The following GSE1 variants were observed in gnomAD, a reference collection of about 807,000 sequenced individuals.
GSE1 encodes the protein Gse1 coiled-coil protein, also known as genetic suppressor element 1.
GSE1 carries 32 observed loss-of-function variants against 112.6 expected under a neutral mutation model. The ratio of observed to expected loss-of-function variants is 0.28; its 90% CI spans 0.21 to 0.38. The LOEUF (loss-of-function observed/expected upper bound fraction) is 0.38, where lower values mean the gene tolerates loss of function less well. GSE1 is among the 10% of genes least tolerant of loss of function. The pLI, the probability that GSE1 is intolerant of heterozygous loss-of-function variation, is 1.00. For synonymous variants in GSE1, 1,115 were observed against 735.6 expected, an observed-to-expected ratio of 1.52 and a Z score of -8.35; for missense variants, 2,348 against 1,699.2, an observed-to-expected ratio of 1.38 and a Z score of -6.71.
chr16:85,587,170 C>T (rs1468862362), intron 1 of GSE1, among the ~76,000 whole-genome samples: 2 of 123,476 alleles, frequency 1.6e-5, no homozygotes, highest in East Asian at 4.4e-4. Flanking sequence ...AGGACGAAAC[C>T]CCCCCCCCCC....
At chr16:85,668,088 ACCCTGTGTCCCTTC>A (rs751536659) in intron 13 of GSE1, 38 bp from the exon 14 acceptor site, 44 of 1,407,074 alleles carry the variant, frequency 3.1e-5, no homozygotes, top group Admixed American at 1.3e-4. Flanking sequence ...CTGAGACAGC[ACCCTGTGTCCCTTC>A]CCCCAACACA....
At chr16:85,329,203 T>C (rs11642262) in intron 1 of GSE1, among the ~76,000 whole-genome samples, 132,623 of 152,220 alleles carry the variant, frequency 0.87, 57,934 homozygotes, top group East Asian at 1. Context: ...CTTTAGGAGC[T>C]AGCCAAGGCC....
intron 1 of GSE1, among the ~76,000 whole-genome samples, chr16:85,196,630 G>A (rs75940354): frequency 0.022 from 3,400 of 152,156 alleles, 114 homozygotes; most frequent in African/African-American, 0.076. Context: ...GAACACAGAC[G>A]TGCTCTTTCC....
chr16:85,185,778 G>A (rs568467366), intron 1 of GSE1, among the ~76,000 whole-genome samples: 2 of 152,356 alleles, frequency 1.3e-5, no homozygotes, highest in South Asian at 4.1e-4. Context: ...AGTGCCTCAG[G>A]GGCTCCGTGC....
chr16:85,609,795 C>T (rs569523188), upstream of GSE1, among the ~76,000 whole-genome samples: 1 of 152,126 alleles, frequency 6.6e-6, no homozygotes, highest in Non-Finnish European at 1.5e-5. Flanking sequence ...GATGGGACTA[C>T]AGGCACACGC....
At position 85,654,422 on chromosome 16, in the gene GSE1, G is replaced by T; in HGVS notation, c.571G>T (p.Val191Leu). 1 of 1,578,044 alleles carries T rather than the reference G, an allele frequency of 6.3e-7. No individual in the cohort carries two copies. Among genetic ancestry groups the T allele is most frequent in the Non-Finnish European group, 8.6e-7 (1 of 1,160,946 alleles). Residue 191 changes from valine to leucine, a missense_variant, in exon 4 of 16, where the codon GTG (valine) becomes TTG (leucine). Transcript: ENST00000253458. ...CTTCGGCCTCTCCCCCAGCTCAGTT[G>T]TGCAGGATTCCCGCTTCCCGCCACT... is the stretch of plus-strand genomic sequence containing the variant. ...YPFGLSPSSV[V>L]QDSRFPPLNL... is the part of the protein sequence containing the mutation.
chr16:85,248,407 C>T (rs1012377679), intron 1 of GSE1, among the ~76,000 whole-genome samples: 1 of 151,894 alleles, frequency 6.6e-6, no homozygotes, highest in East Asian at 1.9e-4. Context: ...CTTTCTGTTT[C>T]CTCTGTCTCT....
intron 2 of GSE1, among the ~76,000 whole-genome samples, chr16:85,454,938 G>A (rs1448921595): frequency 6.6e-6 from 1 of 152,182 alleles, no homozygotes; most frequent in Non-Finnish European, 1.5e-5. Context: ...CTGCCCAGGT[G>A]CGGAGGGTGA....
upstream of GSE1, among the ~76,000 whole-genome samples, chr16:85,610,627 G>A (rs1033773286): frequency 2.0e-5 from 3 of 152,238 alleles, no homozygotes; most frequent in Admixed American, 1.3e-4. Flanking sequence ...TTGCCAGCCC[G>A]CCTGGTGGCC....
rs1196166011 is a variant in GSE1 at position 85,556,149 on chromosome 16, G to A, written c.-178G>A. ...TTTTGATCATCTTGCGGGGCGGGGG[G>A]GGGAAAGACTGATTTTTTTTTTTCG... On this transcript the variant is annotated 5_prime_UTR_variant, in exon 1 of 3. Coordinates refer to the GSE1 transcript ENST00000635906. 22 of 952,888 alleles carry A rather than the reference G, an allele frequency of 2.3e-5. 1 individual carries two copies. The highest frequency in any genetic ancestry group is 1.4e-4 in the East Asian group (1 of 7,080). 59.0% of individuals were successfully genotyped at this position (952,888 alleles called of 1,614,324 possible). A position where few individuals can be genotyped will look rare whatever the true frequency, so the allele number is the denominator to read the frequency against.
intron 1 of GSE1, among the ~76,000 whole-genome samples, chr16:85,300,514 G>A (rs1597333334): frequency 1.3e-5 from 2 of 152,272 alleles, no homozygotes; most frequent in South Asian, 2.1e-4. Context: ...CTGCCTGTCC[G>A]GACATTTCAT....
chr16:85,389,890 G>A (rs1040016963), intron 2 of GSE1, among the ~76,000 whole-genome samples: 5 of 152,168 alleles, frequency 3.3e-5, no homozygotes, highest in South Asian at 2.1e-4. Context: ...GTGGGCCCAC[G>A]CTTAGCGGAT....
At chr16:85,329,717 C>T (rs1357376584) in intron 1 of GSE1, among the ~76,000 whole-genome samples, 4 of 152,100 alleles carry the variant, frequency 2.6e-5, no homozygotes, top group South Asian at 2.1e-4. Context: ...TTAAAGGCTC[C>T]GCGCAGGGTA....
chr16:85,365,436 C>T (rs1235272803), intron 2 of GSE1, among the ~76,000 whole-genome samples: 3 of 152,232 alleles, frequency 2.0e-5, no homozygotes, highest in Non-Finnish European at 2.9e-5. Flanking sequence ...CACCTGGCTC[C>T]TCCCAGGTCA....
Position 85,495,062 on chromosome 16 carries a change from G to A in GSE1, c.2464+137419G>A, listed in dbSNP as rs776343889. The stretch of plus-strand genomic sequence containing the variant: ...GGTCAGGCTGGTAGCCTTCCTATGG[G>A]CTATGATCATGCTGGGCTGTTTCCA... On this transcript the variant is annotated intron_variant, in intron 2 of 2. Transcript: ENST00000637419. 5.3e-5 allele frequency among the ~76,000 whole-genome samples: 8 copies of A among 152,346 alleles called. No individual in the cohort carries two copies. The South Asian group carries it at 8.3e-4, about 16-fold the overall frequency.
chr16:85,653,341 A>G (rs1390295919), intron 3 of GSE1, among the ~76,000 whole-genome samples: 1 of 92,264 alleles, frequency 1.1e-5, no homozygotes, highest in Non-Finnish European at 2.2e-5. Flanking sequence ...AGTCACACGA[A>G]TAACAGGAAC....
intron 2 of GSE1, among the ~76,000 whole-genome samples, chr16:85,643,184 C>T (rs998768676): frequency 6.6e-6 from 1 of 152,210 alleles, no homozygotes; most frequent in East Asian, 1.9e-4. Flanking sequence ...GCAGAGGTGA[C>T]GCGGACACGG....
intron 2 of GSE1, among the ~76,000 whole-genome samples, chr16:85,436,381 G>C (rs2049246830): frequency 6.6e-6 from 1 of 152,186 alleles, no homozygotes; most frequent in South Asian, 2.1e-4. Flanking sequence ...TCCTAGCCCT[G>C]AGTCCAGCCC....
chr16:85,464,356 CGCTTA>C (rs1478250957), intron 2 of GSE1, among the ~76,000 whole-genome samples: 8 of 152,114 alleles, frequency 5.3e-5, no homozygotes, highest in Non-Finnish European at 1.2e-4. Flanking sequence ...GGGGGGCAGC[CGCTTA>C]GAGAAAAGGG....
Sources: allele counts gnomAD v4.1 joint callset (sites outside exome capture counted in the v4.1 genomes callset), GRCh38; gene constraint gnomAD v4.1.1; transcripts MANE v1.5; gene names NCBI Gene and HGNC (gene_info 2026-07-23, HGNC 2026-07-21).